The following RPRD2 variants were observed in gnomAD, a reference collection of about 807,000 sequenced individuals.
RPRD2 encodes the protein regulation of nuclear pre-mRNA domain-containing protein 2.
In RPRD2, 12 loss-of-function variants were observed where a neutral mutation model predicts 104.4. The observed-to-expected ratio is 0.11, with a 90% CI of 0.07 to 0.19. RPRD2 has a LOEUF of 0.19. Ranked by LOEUF, RPRD2 falls within the 10% of genes least tolerant of loss-of-function variation. RPRD2 has a pLI of 1.00. For synonymous variants in RPRD2, 714 were observed against 684.9 expected, an observed-to-expected ratio of 1.04 and a Z score of -0.66; for missense variants, 1,543 against 1,790.1, an observed-to-expected ratio of 0.86 and a Z score of 2.49.
At chr1:150,387,328 T>G (rs969817558) in intron 1 of RPRD2, among the ~76,000 whole-genome samples, 4 of 152,066 alleles carry the variant, frequency 2.6e-5, no homozygotes, top group Non-Finnish European at 5.9e-5. Context: ...TGAAAGAACC[T>G]TGGGAGCACC....
intron 1 of RPRD2, among the ~76,000 whole-genome samples, chr1:150,415,150 G>A (rs1224763000): frequency 6.6e-6 from 1 of 152,004 alleles, no homozygotes; most frequent in Non-Finnish European, 1.5e-5. Flanking sequence ...ATAACATAGT[G>A]AAACTCCATC....
Position 150,473,208 on chromosome 1 carries a change from C to T in RPRD2, c.4260C>T (p.Asp1420=). The change falls in exon 11 of 11, where the codon GAC becomes GAT. Residue 1420 remains aspartate (D), a synonymous_variant. Coordinates refer to ENST00000369068, the MANE Select transcript of RPRD2 (RefSeq NM_015203.5). The stretch of plus-strand genomic sequence containing the variant: ...TAATCTTACGGAGTCCCCGGCCAGA[C>T]TTTCGGCCTAGGGAACCTTTTCTCA... ...SGIILRSPRP[D]FRPREPFLSR... is the part of the protein sequence containing the mutation. 1 of 1,614,004 alleles carries T rather than the reference C, an allele frequency of 6.2e-7. No homozygotes were observed. The highest frequency in any genetic ancestry group is 1.1e-5 in the South Asian group (1 of 91,082).
chr1:150,385,443 T>A (rs1661492879), intron 1 of RPRD2, among the ~76,000 whole-genome samples: 1 of 152,206 alleles, frequency 6.6e-6, no homozygotes, highest in Non-Finnish European at 1.5e-5. Context: ...CACTGCACTC[T>A]AGCCTCGGCG....
chr1:150,469,312 G>A (rs981700356), intron 10 of RPRD2, among the ~76,000 whole-genome samples: 7 of 152,084 alleles, frequency 4.6e-5, no homozygotes, highest in Admixed American at 1.3e-4. Flanking sequence ...GACTCACTTT[G>A]CCACCCAGGC....
At chr1:150,465,931 C>T (rs191145492) in intron 10 of RPRD2, among the ~76,000 whole-genome samples, 26 of 148,746 alleles carry the variant, frequency 1.7e-4, no homozygotes, top group African/African-American at 5.8e-4. Flanking sequence ...TGGTGACACA[C>T]ACCTGTAGTG....
chr1:150,408,263 C>G (rs111982037), intron 1 of RPRD2, among the ~76,000 whole-genome samples: 6,979 of 143,474 alleles, frequency 0.049, 421 homozygotes, highest in African/African-American at 0.14. Context: ...CTCCCAGGTT[C>G]AAGCGATTCT....
chr1:150,470,443 T>C, intron 10 of RPRD2, 118 bp from the exon 11 acceptor site: 1 of 1,060,052 alleles, frequency 9.4e-7, no homozygotes, highest in Non-Finnish European at 1.3e-6. Context: ...CTTTTGGCCT[T>C]ACACTTTGTC....
chr1:150,423,792 ATTTT>A (rs151188685), intron 2 of RPRD2, among the ~76,000 whole-genome samples: 3 of 145,584 alleles, frequency 2.1e-5, no homozygotes, highest in African/African-American at 2.5e-5. Context: ...CTGAAAACAA[ATTTT>A]TTTTTTTTTT....
At chr1:150,456,612 G>T (rs1196590746) in intron 7 of RPRD2, among the ~76,000 whole-genome samples, 3 of 139,146 alleles carry the variant, frequency 2.2e-5, no homozygotes, top group Non-Finnish European at 4.7e-5. Context: ...TCATTTAAGA[G>T]AATAAAATTT....
chr1:150,464,844 A>G (rs980837744), intron 10 of RPRD2, 117 bp downstream of exon 10: 7 of 507,076 alleles, frequency 1.4e-5, no homozygotes, highest in Non-Finnish European at 2.2e-5. Flanking sequence ...CAGTTAATTC[A>G]TTATTCTTTT....
chr1:150,393,471 A>C (rs1025525858), intron 1 of RPRD2, among the ~76,000 whole-genome samples: 8 of 151,598 alleles, frequency 5.3e-5, no homozygotes, highest in Non-Finnish European at 1.2e-4. Context: ...AAAAAAAAAA[A>C]AAAAAACCAA....
intron 5 of RPRD2, among the ~76,000 whole-genome samples, chr1:150,443,909 T>C (rs1322415083): frequency 6.6e-6 from 1 of 150,744 alleles, no homozygotes; most frequent in Non-Finnish European, 1.5e-5. Flanking sequence ...TCCCAGCTAC[T>C]CAGGAGGCTG....
chr1:150,460,183 C>T lies in RPRD2; in HGVS notation c.1277C>T (p.Thr426Ile), dbSNP rs782470456. The T allele has an allele frequency of 6.2e-7, 1 of 1,613,992 alleles. No individual in the cohort carries two copies. The highest frequency in any genetic ancestry group is 8.5e-7 in the Non-Finnish European group (1 of 1,179,888). The change falls in exon 9 of 11, where the codon ACT becomes ATT. Residue 426 changes from threonine to isoleucine, a missense_variant. This residue lies in a region of RPRD2 where 572 missense variants were observed against 787.3 expected (regional missense o/e 0.73). Coordinates refer to ENST00000369068, the MANE Select transcript of RPRD2 (RefSeq NM_015203.5). ...CCAGTGCCTGTGACCATGACAGCAA[C>T]TCCACCTCTTCCAAAGCCTGTGAAT... ...CTPVPVTMTA[T>I]PPLPKPVNTS...
At chr1:150,437,781 C>T (rs587760510) in intron 2 of RPRD2, among the ~76,000 whole-genome samples, 12 of 151,772 alleles carry the variant, frequency 7.9e-5, no homozygotes, top group East Asian at 2.0e-4. Context: ...GGTTTCGCCA[C>T]GTTGCCCAGG....
chr1:150,370,817 C>T (rs1660244284), intron 1 of RPRD2, among the ~76,000 whole-genome samples: 2 of 151,944 alleles, frequency 1.3e-5, no homozygotes, highest in South Asian at 4.1e-4. Context: ...CTCAAGCAGC[C>T]CACCCTCCTT....
chr1:150,367,765 C>T (rs1246380342), intron 1 of RPRD2, among the ~76,000 whole-genome samples: 2 of 151,652 alleles, frequency 1.3e-5, no homozygotes. Flanking sequence ...CTCTGTCGTC[C>T]AGACTGGAGT....
rs1553876642 is a variant in RPRD2, at chr1:150,364,167, G to A, written c.-548G>A. ...GCGATACTGTTGCTGCCCCTTTGCT[G>A]CTATTGCGTTGCAAAAAAAATCCTG... On this transcript the variant is annotated 5_prime_UTR_variant, in exon 1 of 11. Coordinates refer to ENST00000369068, the MANE Select transcript of RPRD2 (RefSeq NM_015203.5). Among the ~76,000 whole-genome samples the A allele has an allele frequency of 6.6e-6, 1 of 152,196 alleles. No individual in the cohort carries two copies. Among genetic ancestry groups the A allele is most frequent in the Non-Finnish European group, 1.5e-5 (1 of 68,038 alleles).
At chr1:150,395,981 T>C (rs1553884135) in intron 1 of RPRD2, among the ~76,000 whole-genome samples, 2 of 152,238 alleles carry the variant, frequency 1.3e-5, no homozygotes, top group Non-Finnish European at 2.9e-5. Flanking sequence ...TGTTCCCTTT[T>C]CACTGCATCC....
chr1:150,376,447 T>C (rs1021557924), intron 1 of RPRD2, among the ~76,000 whole-genome samples: 41 of 152,244 alleles, frequency 2.7e-4, no homozygotes, highest in Admixed American at 2.5e-3. Flanking sequence ...GATCCTGAGC[T>C]GTTTTTGTGT....
Sources: allele counts gnomAD v4.1 joint callset (sites outside exome capture counted in the v4.1 genomes callset), GRCh38; gene constraint gnomAD v4.1.1; regional missense constraint gnomAD v4.1.1; transcripts MANE v1.5; gene names NCBI Gene and HGNC (gene_info 2026-07-23, HGNC 2026-07-21).